Variants in HOXC5 observed in about 807,000 individuals in gnomAD.
HOXC5 encodes homeobox C5.
A neutral mutation model predicts 20.1 loss-of-function variants in HOXC5; 19 were observed. The observed-to-expected ratio is 0.94, with a 90% CI of 0.66 to 1.38. HOXC5 has a LOEUF of 1.38. HOXC5 is among the 40% of genes most tolerant of loss of function. The pLI is 0.00. For missense variants in HOXC5, 330 were observed against 300.1 expected, an observed-to-expected ratio of 1.10 and a Z score of -0.74; for synonymous variants, 124 against 117.0, an observed-to-expected ratio of 1.06 and a Z score of -0.39.
upstream of HOXC5, chr12:54,029,805 A>C (rs1251570174): frequency 6.2e-7 from 1 of 1,614,106 alleles, no homozygotes; most frequent in South Asian, 1.1e-5. Context: ...ACCGAGCGAC[A>C]GATCAAAATC....
chr12:54,028,453 T>C, upstream of HOXC5: 1 of 1,524,484 alleles, frequency 6.6e-7, no homozygotes, highest in South Asian at 1.3e-5. Context: ...ACCATCTAGT[T>C]CCGAGTACAA....
At chr12:54,029,047 C>T (rs372116179), upstream of HOXC5, 9 of 918,472 alleles carry the variant, frequency 9.8e-6, 1 homozygote, top group African/African-American at 1.3e-4. Flanking sequence ...CGTCTCCTCA[C>T]CGAGACAGGG....
rs1366932401 is a variant in HOXC5 at position 54,034,967 on chromosome 12, CG to C, written c.*479del. 5.5e-6 allele frequency: 1 copy of C among 181,080 alleles called. No homozygotes were observed. Among genetic ancestry groups the C allele is most frequent in the East Asian group, 1.3e-4 (1 of 7,584 alleles). The allele number at this position is 181,080 out of a possible 1,614,324, so 11.2% of individuals were successfully genotyped here. On this transcript the variant is annotated 3_prime_UTR_variant, in exon 2 of 2. Coordinates refer to ENST00000312492, the MANE Select transcript of HOXC5 (RefSeq NM_018953.4). ...GCTGGCGAGAGTCTGGCCCTAGACT[CG>C]GGGTGCTTCCTTGTAGCGACTAAAC...
At chr12:54,027,849 C>T in the HOXC5 span, among the ~76,000 whole-genome samples, 2 of 152,172 alleles carry the variant, frequency 1.3e-5, no homozygotes, top group African/African-American at 2.4e-5. Context: ...AGACTCTCAG[C>T]CACACTCTAC....
chr12:54,031,356 G>A (rs2136442871), upstream of HOXC5, among the ~76,000 whole-genome samples: 1 of 152,362 alleles, frequency 6.6e-6, no homozygotes, highest in East Asian at 1.9e-4. Flanking sequence ...CTGGAGCCCT[G>A]TCGGCAGGGA....
chr12:54,034,148 G>A (rs1941108584), intron 1 of HOXC5, 130 bp from the exon 2 acceptor site: 2 of 898,622 alleles, frequency 2.2e-6, no homozygotes, highest in African/African-American at 1.6e-5. Context: ...CCTGCGGCCC[G>A]CGTGGCCTGT....
chr12:54,033,538 A>G lies in HOXC5; in HGVS notation c.416A>G (p.Gln139Arg), dbSNP rs1224525371. 6.3e-7 allele frequency: 1 copy of G among 1,598,350 alleles called. No homozygotes were observed. ...CTGAGCCAGCCACCGGCCCCGCCAC[A>G]GATTTACCCGTGGATGACCAAACTG... The part of the protein sequence containing the change: ...AGLSQPPAPP[Q>R]IYPWMTKLHM... The change falls in exon 1 of 2, where the codon CAG becomes CGG. Residue 139 changes from glutamine to arginine, a missense_variant. Physicochemically the swap from Gln to Arg is conservative, Grantham distance 43. Coordinates refer to ENST00000312492, the MANE Select transcript of HOXC5 (RefSeq NM_018953.4).
chr12:54,022,470 T>C, the HOXC5 span: 1 of 152,286 alleles, frequency 6.6e-6, no homozygotes, highest in East Asian at 1.9e-4. Context: ...ATCATTGAAG[T>C]AAGTAATATT....
chr12:54,030,444 C>G (rs1940942674), upstream of HOXC5: 1 of 153,154 alleles, frequency 6.5e-6, no homozygotes, highest in African/African-American at 2.4e-5. Flanking sequence ...CACCAACCCC[C>G]AGGGCCTCCC....
At chr12:54,030,987 G>A (rs796735772), upstream of HOXC5, among the ~76,000 whole-genome samples, 27 of 152,318 alleles carry the variant, frequency 1.8e-4, no homozygotes, top group Middle Eastern at 3.4e-3. Context: ...TCGTTCTCGC[G>A]ATCGCACTGA....
At chr12:54,030,832 A>G (rs1200512909), upstream of HOXC5, 1 of 152,260 alleles carries the variant, frequency 6.6e-6, no homozygotes, top group Non-Finnish European at 1.5e-5. Flanking sequence ...TATACCGGGA[A>G]TTCTGTTAAT....
chr12:54,023,194 A>G, the HOXC5 span, among the ~76,000 whole-genome samples: 13 of 152,278 alleles, frequency 8.5e-5, no homozygotes, highest in South Asian at 6.2e-4. Context: ...ACCAGCCCCC[A>G]AAAAGCCAGA....
chr12:54,033,242 C>T lies in HOXC5; in HGVS notation c.120C>T (p.Tyr40=). The change falls in exon 1 of 2, where the codon TAC becomes TAT. Residue 40 remains tyrosine, a synonymous_variant. Transcript: ENST00000312492. ...AGGTGCAGGCATCCAGGTACTGCTA[C>T]GGCGGATTGGACTTAAGCATCACTT... ...ASEVQASRYC[Y]GGLDLSITFP... is the part of the protein sequence containing the mutation. 3 of 1,614,206 alleles carry T rather than the reference C, an allele frequency of 1.9e-6. No homozygotes were observed. Among genetic ancestry groups the T allele is most frequent in the Non-Finnish European group, 2.5e-6 (3 of 1,180,038 alleles).
At chr12:54,033,606 C>T (rs1272445680) in intron 1 of HOXC5, 30 bp downstream of exon 1, 3 of 1,502,676 alleles carry the variant, frequency 2.0e-6, no homozygotes, top group African/African-American at 1.4e-5. Flanking sequence ...TTTGCGCTCT[C>T]GGGTCCGCCT....
the HOXC5 span, among the ~76,000 whole-genome samples, chr12:54,019,342 C>A: frequency 6.6e-6 from 1 of 152,192 alleles, no homozygotes; most frequent in African/African-American, 2.4e-5. Flanking sequence ...CAGGCACGGC[C>A]CAGTGGCTGA....
chr12:54,029,876 G>C (rs775634833), upstream of HOXC5: 1 of 1,612,930 alleles, frequency 6.2e-7, no homozygotes. Context: ...CACTCTCTCG[G>C]GGGGCGGCGG....
At chr12:54,032,198 C>T (rs1035556716), upstream of HOXC5, among the ~76,000 whole-genome samples, 2 of 152,190 alleles carry the variant, frequency 1.3e-5, no homozygotes, top group Admixed American at 1.3e-4. Context: ...ACTCTGGGGA[C>T]CCTAGCATGG....
chr12:54,028,352 T>A (rs1008193086), upstream of HOXC5: 1 of 633,056 alleles, frequency 1.6e-6, no homozygotes, highest in Non-Finnish European at 2.7e-6. Context: ...GCGATTTTTT[T>A]CCCCCTTCCT....
chr12:54,019,383 G>T, the HOXC5 span, among the ~76,000 whole-genome samples: 1 of 152,202 alleles, frequency 6.6e-6, no homozygotes, highest in Non-Finnish European at 1.5e-5. Flanking sequence ...CGGCAGGCCG[G>T]AACCCGGAGT....
Sources: gnomAD v4.1 joint callset for allele counts (sites outside exome capture counted in the v4.1 genomes callset) on GRCh38, gnomAD v4.1.1 for gene constraint, MANE v1.5 for transcripts, NCBI Gene and HGNC (gene_info 2026-07-23, HGNC 2026-07-21) for gene names.